The following MYLK variants were observed in gnomAD, a reference collection of about 807,000 sequenced individuals.
The protein encoded by MYLK is myosin light chain kinase, smooth muscle.
Under a neutral mutation model 203.4 loss-of-function variants are expected in MYLK, and 106 were observed. The ratio of observed to expected loss-of-function variants is 0.52; its 90% CI spans 0.45 to 0.61. The LOEUF (loss-of-function observed/expected upper bound fraction) is 0.61. Ranked by LOEUF, MYLK falls within the 20% of genes least tolerant of loss-of-function variation. The probability of loss-of-function intolerance (pLI) is 0.00; values close to 1 mark genes in which losing one functional copy is unlikely to be tolerated. For missense variants in MYLK, 2,072 were observed against 2,442.3 expected (o/e 0.85, Z 3.20); for synonymous variants, 867 against 959.5 (o/e 0.90, Z 1.78).
intron 4 of MYLK, among the ~76,000 whole-genome samples, chr3:123,764,311 A>C (rs1460177748): frequency 1.3e-5 from 2 of 152,050 alleles, no homozygotes; most frequent in African/African-American, 2.4e-5. Context: ...AGGAAATACA[A>C]AGTTCCAGGT....
intron 7 of MYLK, among the ~76,000 whole-genome samples, 191 bp downstream of exon 7, chr3:123,738,706 C>T (rs550830388): frequency 1.9e-4 from 29 of 152,292 alleles, no homozygotes; most frequent in Admixed American, 1.2e-3. Context: ...TCTTGCCTGC[C>T]GCCATATAAG....
chr3:123,830,831 C>A (rs780344879), intron 3 of MYLK, among the ~76,000 whole-genome samples: 2 of 152,188 alleles, frequency 1.3e-5, no homozygotes, highest in Non-Finnish European at 2.9e-5. Context: ...TGGAAACACC[C>A]TAAGCCCCAA....
rs917648688 is a variant in MYLK at position 123,766,417 on chromosome 3, C to A, written c.166-13879G>T. Among the ~76,000 whole-genome samples the A allele has an allele frequency of 2.6e-5, 4 of 152,224 alleles. No individual in the cohort carries two copies. The East Asian group carries it at 7.7e-4, about 29-fold the overall frequency. On this transcript the variant is annotated intron_variant, in intron 4 of 33. Coordinates refer to ENST00000360304, the MANE Select transcript of MYLK (RefSeq NM_053025.4). ...CTGTGTAAGAGGTGTGTGCTGAGGACCATGGGAGCACGGAGGAGGGTGAGG... is the reference window on the plus strand; with the variant it reads ...CTGTGTAAGAGGTGTGTGCTGAGGAACATGGGAGCACGGAGGAGGGTGAGG...
intron 3 of MYLK, among the ~76,000 whole-genome samples, chr3:123,826,697 A>G (rs571318465): frequency 7.7e-4 from 117 of 152,296 alleles, no homozygotes; most frequent in East Asian, 3.9e-3. Context: ...CATCATTTAC[A>G]TTTATATCCT....
chr3:123,618,850 T>A, intron 32 of MYLK, 80 bp from the exon 33 acceptor site: 1 of 1,584,100 alleles, frequency 6.3e-7, no homozygotes, highest in East Asian at 2.3e-5. Context: ...AACTAACTTT[T>A]AAAAAAGTTG....
At chr3:123,643,626 C>T (rs545349454) in intron 27 of MYLK, among the ~76,000 whole-genome samples, 5 of 152,252 alleles carry the variant, frequency 3.3e-5, no homozygotes, top group African/African-American at 1.2e-4. Context: ...ACAGAAACTG[C>T]CACCCACAGT....
intron 19 of MYLK, among the ~76,000 whole-genome samples, chr3:123,682,918 A>T (rs1384270488): frequency 6.6e-6 from 1 of 152,136 alleles, no homozygotes; most frequent in East Asian, 1.9e-4. Context: ...GGCCCAGTGA[A>T]GCTGGGCACA....
intron 4 of MYLK, among the ~76,000 whole-genome samples, chr3:123,772,232 G>A (rs894590544): frequency 2.0e-5 from 3 of 152,104 alleles, no homozygotes; most frequent in African/African-American, 7.2e-5. Context: ...ATTAGATATG[G>A]AATGTTAAAA....
intron 5 of MYLK, among the ~76,000 whole-genome samples, chr3:123,742,658 C>T (rs773318810): frequency 5.9e-5 from 9 of 152,094 alleles, no homozygotes; most frequent in Non-Finnish European, 1.0e-4. Context: ...CGTGTACCAT[C>T]CATTGTACTA....
intron 29 of MYLK, among the ~76,000 whole-genome samples, chr3:123,636,649 C>A (rs1026745760): frequency 2.6e-5 from 4 of 152,216 alleles, no homozygotes; most frequent in African/African-American, 9.6e-5. Context: ...CCCTACCCTG[C>A]TGTTCCTTAC....
chr3:123,732,885 A>AGT lies in MYLK; in HGVS notation c.1516+9_1516+10dup, dbSNP rs1269878122. On this transcript the variant is annotated intron_variant, in intron 11 of 33. Transcript: ENST00000360304. The stretch of plus-strand genomic sequence containing the variant: ...CAGAGAATGCGGGGTGACCTGGAGA[A>AGT]GTGTACTCACTTTCCACTTGGAGGG... The AGT allele has an allele frequency of 1.2e-6, 2 of 1,613,006 alleles. No individual in the cohort carries two copies. Among genetic ancestry groups the AGT allele is most frequent in the East Asian group, 4.5e-5 (2 of 44,866 alleles).
chr3:123,794,763 A>C (rs1044005703), intron 3 of MYLK, among the ~76,000 whole-genome samples: 3 of 152,242 alleles, frequency 2.0e-5, no homozygotes, highest in Middle Eastern at 3.2e-3. Flanking sequence ...TCTTAATTTT[A>C]AATACATTTC....
intron 11 of MYLK, among the ~76,000 whole-genome samples, chr3:123,728,017 G>T (rs2062349092): frequency 6.6e-6 from 1 of 152,152 alleles, no homozygotes; most frequent in African/African-American, 2.4e-5. Flanking sequence ...GGATGTTTAG[G>T]AACTGGAGAA....
chr3:123,749,301 T>G (rs908884186), intron 5 of MYLK, among the ~76,000 whole-genome samples: 3 of 151,594 alleles, frequency 2.0e-5, no homozygotes, highest in Admixed American at 1.3e-4. Context: ...AAAGATTATA[T>G]ATGTGGCTCA....
chr3:123,731,887 T>G (rs535047221), intron 11 of MYLK, among the ~76,000 whole-genome samples: 43 of 152,222 alleles, frequency 2.8e-4, no homozygotes, highest in Non-Finnish European at 5.4e-4. Context: ...CCATAAAAAC[T>G]TTTTAAAGAT....
At chr3:123,811,555 CT>C in intron 3 of MYLK, among the ~76,000 whole-genome samples, 1 of 152,322 alleles carries the variant, frequency 6.6e-6, no homozygotes, top group African/African-American at 2.4e-5. Context: ...TACTCCTGAA[CT>C]TGAAATTCCA....
intron 4 of MYLK, among the ~76,000 whole-genome samples, chr3:123,774,166 C>T (rs909364263): frequency 2.6e-5 from 4 of 152,226 alleles, no homozygotes; most frequent in Admixed American, 1.3e-4. Context: ...TCTGAACCAA[C>T]CTCACATAAT....
At chr3:123,870,646 G>C (rs1371001544) in intron 2 of MYLK, among the ~76,000 whole-genome samples, 1 of 152,230 alleles carries the variant, frequency 6.6e-6, no homozygotes, top group African/African-American at 2.4e-5. Flanking sequence ...GACTAAAGCA[G>C]GTAGGTGTAG....
intron 18 of MYLK, among the ~76,000 whole-genome samples, chr3:123,693,329 A>G (rs937812515): frequency 1.2e-4 from 19 of 152,074 alleles, no homozygotes; most frequent in African/African-American, 4.3e-4. Context: ...TGGAAAAGGG[A>G]GCTTTGAAGC....
Sources: gnomAD v4.1 joint callset for allele counts (sites outside exome capture counted in the v4.1 genomes callset) on GRCh38, gnomAD v4.1.1 for gene constraint, MANE v1.5 for transcripts, NCBI Gene and HGNC (gene_info 2026-07-23, HGNC 2026-07-21) for gene names.